PPP1R42: variants seen among roughly 807,000 people sequenced by gnomAD.
PPP1R42 encodes the protein leucine rich repeat containing 67.
A neutral mutation model predicts 31.0 loss-of-function variants in PPP1R42; 34 were observed. That is an observed-to-expected ratio of 1.10 (90% confidence interval 0.83 to 1.46). The LOEUF is 1.46. PPP1R42 is among the 40% of genes most tolerant of loss of function. PPP1R42 has a pLI of 0.00. For synonymous variants in PPP1R42, 103 were observed against 109.8 expected (o/e 0.94, Z 0.39); for missense variants, 268 against 303.0 (o/e 0.88, Z 0.86).
chr8:66,985,560 G>A, intron 6 of PPP1R42: 1 of 1,332,152 alleles, frequency 7.5e-7, no homozygotes. Flanking sequence ...CATTGCTGAT[G>A]AGTCCTGGCT....
intron 1 of PPP1R42, 133 bp downstream of exon 1, chr8:67,028,358 G>A (rs914489350): frequency 3.0e-6 from 1 of 338,268 alleles, no homozygotes; most frequent in Admixed American, 6.4e-5. Flanking sequence ...TGGAAATTCT[G>A]TATGTCTAAA....
chr8:67,013,041 G>C lies in PPP1R42; in HGVS notation c.352C>G (p.Leu118Val). ...TGATTCTCAACATGAAGCTCTCTTA[G>C]TTCTCCTAATCCTTCTAAACCTTCT... ...VIEGLEGLGE[L>V]RELHVENQRL... is the part of the protein sequence containing the mutation. Residue 118 changes from leucine (L) to valine (V), a missense_variant, in exon 4 of 8, where the codon CTA (leucine) becomes GTA (valine). Physicochemically the swap from Leu to Val is conservative, Grantham distance 32 (BLOSUM62 1). Coordinates refer to ENST00000685739, the MANE Select transcript of PPP1R42 (RefSeq NM_001364910.1). 1 of 1,612,114 alleles carries C rather than the reference G, an allele frequency of 6.2e-7. No individual in the cohort carries two copies. Among genetic ancestry groups the C allele is most frequent in the Non-Finnish European group, 8.5e-7 (1 of 1,179,126 alleles).
intron 5 of PPP1R42, among the ~76,000 whole-genome samples, chr8:66,995,703 C>A (rs949217275): frequency 6.6e-6 from 1 of 152,138 alleles, no homozygotes; most frequent in African/African-American, 2.4e-5. Context: ...CCTCACCAAC[C>A]ATTCTCTATT....
chr8:67,022,393 C>CTA (rs1291275580), intron 1 of PPP1R42, among the ~76,000 whole-genome samples: 1 of 152,148 alleles, frequency 6.6e-6, no homozygotes, highest in Non-Finnish European at 1.5e-5. Flanking sequence ...ACACACATTT[C>CTA]TATTAGATAC....
chr8:66,979,126 C>G (rs1235338940), intron 7 of PPP1R42, among the ~76,000 whole-genome samples: 12 of 152,122 alleles, frequency 7.9e-5, no homozygotes, highest in African/African-American at 2.9e-4. Flanking sequence ...AAAATCTTTT[C>G]CCAGACCAAT....
chr8:66,997,128 G>C, intron 5 of PPP1R42, among the ~76,000 whole-genome samples: 1 of 152,162 alleles, frequency 6.6e-6, no homozygotes, highest in East Asian at 1.9e-4. Context: ...ACTCCAGCCT[G>C]GGCAACAGAG....
At chr8:66,983,941 C>T (rs1274170794) in intron 6 of PPP1R42, among the ~76,000 whole-genome samples, 1 of 152,186 alleles carries the variant, frequency 6.6e-6, no homozygotes, top group African/African-American at 2.4e-5. Flanking sequence ...ACTCTTTAAT[C>T]ATACGCACAT....
At chr8:66,985,934 G>C (rs1814996215) in intron 6 of PPP1R42, 2 of 807,934 alleles carry the variant, frequency 2.5e-6, no homozygotes, top group Admixed American at 1.9e-5. Context: ...GAGCTCAAGA[G>C]TCATCACCAA....
At chr8:66,985,578 C>T (rs1359506422) in intron 6 of PPP1R42, 20 of 1,353,958 alleles carry the variant, frequency 1.5e-5, no homozygotes, top group Non-Finnish European at 2.0e-5. Flanking sequence ...GCTTCAGTGC[C>T]AGCCCGGCTT....
At chr8:66,990,678 T>C (rs1815163719) in intron 5 of PPP1R42, among the ~76,000 whole-genome samples, 1 of 152,212 alleles carries the variant, frequency 6.6e-6, no homozygotes, top group African/African-American at 2.4e-5. Context: ...CTACCATTAA[T>C]GATGACCGCT....
chr8:67,024,156 A>G lies in PPP1R42; in HGVS notation c.-85+4335T>C, dbSNP rs538291671. Among the ~76,000 whole-genome samples, 3 of 151,930 alleles carry G rather than the reference A, an allele frequency of 2.0e-5. No homozygotes were observed. In the East Asian group the frequency reaches 5.8e-4, roughly 29 times the overall value. ...CAAGACTCCATCTCAAAAAAAAACC[A>G]AAAAAAAGATAGCCATACTCAGATT... On this transcript the variant is annotated intron_variant, in intron 1 of 7. Transcript: ENST00000685739.
chr8:67,026,855 TA>T (rs1292013462), intron 1 of PPP1R42: 1 of 150,110 alleles, frequency 6.7e-6, no homozygotes, highest in Non-Finnish European at 1.5e-5. Flanking sequence ...AAAAACAGAA[TA>T]AAAGTCAGAG....
chr8:66,994,732 T>C (rs1382527372), intron 5 of PPP1R42, among the ~76,000 whole-genome samples: 1 of 152,236 alleles, frequency 6.6e-6, no homozygotes, highest in Non-Finnish European at 1.5e-5. Context: ...TCTATTACAA[T>C]ATTTATAATA....
intron 5 of PPP1R42, among the ~76,000 whole-genome samples, chr8:66,997,072 G>A (rs1449242956): frequency 6.6e-6 from 1 of 152,196 alleles, no homozygotes; most frequent in East Asian, 1.9e-4. Flanking sequence ...AGAATTGCTT[G>A]AACCCAGGAG....
At chr8:67,006,190 A>C (rs976529042) in intron 5 of PPP1R42, among the ~76,000 whole-genome samples, 1 of 152,216 alleles carries the variant, frequency 6.6e-6, no homozygotes, top group African/African-American at 2.4e-5. Context: ...AGCTCTTTGC[A>C]TATCTTCTTT....
chr8:67,000,573 T>A (rs980138251), intron 5 of PPP1R42, among the ~76,000 whole-genome samples: 4 of 152,104 alleles, frequency 2.6e-5, no homozygotes, highest in African/African-American at 9.7e-5. Context: ...TCCTCCCAAC[T>A]CAGCCTCCTG....
At chr8:67,000,949 G>A (rs1462925038) in intron 5 of PPP1R42, among the ~76,000 whole-genome samples, 31 of 152,030 alleles carry the variant, frequency 2.0e-4, no homozygotes, top group Admixed American at 1.6e-3. Context: ...TTTTACTTCT[G>A]TGAATTTTTA....
At chr8:66,988,075 T>A (rs1168255331) in intron 6 of PPP1R42, 2 of 917,156 alleles carry the variant, frequency 2.2e-6, no homozygotes, top group East Asian at 2.0e-4. Context: ...TCTCTTGGGA[T>A]CATCAAAGGA....
chr8:66,987,663 A>T (rs1815064095), intron 6 of PPP1R42, among the ~76,000 whole-genome samples: 1 of 152,166 alleles, frequency 6.6e-6, no homozygotes, highest in Non-Finnish European at 1.5e-5. Context: ...TGAATTCAAG[A>T]TTATAGAACT....
Sources: allele counts gnomAD v4.1 joint callset (sites outside exome capture counted in the v4.1 genomes callset), GRCh38; gene constraint gnomAD v4.1.1; transcripts MANE v1.5; gene names NCBI Gene and HGNC (gene_info 2026-07-23, HGNC 2026-07-21).